The following SCMH1 variants were observed in gnomAD, a reference collection of about 807,000 sequenced individuals.
SCMH1 encodes the protein polycomb protein SCMH1.
In SCMH1, 37 loss-of-function variants were observed where a neutral mutation model predicts 70.8. That is an observed-to-expected ratio of 0.52 (90% CI 0.40 to 0.69). The LOEUF (loss-of-function observed/expected upper bound fraction) is 0.69, where lower values mean the gene tolerates loss of function less well. SCMH1 is among the 30% of genes least tolerant of loss of function. The pLI is 0.00. For missense variants in SCMH1, 607 were observed against 827.3 expected, an observed-to-expected ratio of 0.73 and a Z score of 3.27; for synonymous variants, 292 against 307.4, an observed-to-expected ratio of 0.95 and a Z score of 0.52.
chr1:41,156,057 T>G (rs1206213422), intron 4 of SCMH1, among the ~76,000 whole-genome samples: 2 of 150,676 alleles, frequency 1.3e-5, no homozygotes, highest in African/African-American at 4.9e-5. Context: ...CTTCCAGTCA[T>G]GGGACACTCA....
At chr1:41,037,795 G>T (rs1268564161) in intron 12 of SCMH1, among the ~76,000 whole-genome samples, 1 of 152,202 alleles carries the variant, frequency 6.6e-6, no homozygotes, top group African/African-American at 2.4e-5. Context: ...TTCTGGTCTA[G>T]ATGCCCTATG....
At chr1:41,229,362 T>C (rs1371454217) in intron 1 of SCMH1, among the ~76,000 whole-genome samples, 2 of 152,156 alleles carry the variant, frequency 1.3e-5, no homozygotes, top group African/African-American at 4.8e-5. Flanking sequence ...AATGATAGAC[T>C]AGATTAAGAA....
intron 1 of SCMH1, among the ~76,000 whole-genome samples, chr1:41,213,311 TATA>T (rs780117164): frequency 1.3e-5 from 2 of 152,226 alleles, no homozygotes; most frequent in Non-Finnish European, 2.9e-5. Context: ...AGCTTGTGGC[TATA>T]ATGTTTTTCA....
At chr1:41,078,453 A>G (rs899403665) in intron 8 of SCMH1, among the ~76,000 whole-genome samples, 2 of 152,182 alleles carry the variant, frequency 1.3e-5, no homozygotes, top group African/African-American at 4.8e-5. Flanking sequence ...ACCAAAACAC[A>G]TAATTGTCAA....
intron 6 of SCMH1, among the ~76,000 whole-genome samples, 164 bp downstream of exon 6, chr1:41,142,714 T>G (rs1000442218): frequency 6.6e-6 from 1 of 152,220 alleles, no homozygotes; most frequent in Non-Finnish European, 1.5e-5. Flanking sequence ...GATGGAGATG[T>G]CCAAATTGTG....
chr1:41,204,769 CTATT>C (rs1655116599), intron 1 of SCMH1, among the ~76,000 whole-genome samples: 1 of 152,178 alleles, frequency 6.6e-6, no homozygotes, highest in African/African-American at 2.4e-5. Flanking sequence ...TTTTCCATAT[CTATT>C]TATTTGTCTC....
chr1:41,237,669 C>G (rs545998603), intron 1 of SCMH1, among the ~76,000 whole-genome samples: 1 of 152,220 alleles, frequency 6.6e-6, no homozygotes, highest in Admixed American at 6.5e-5. Flanking sequence ...GATACCATAC[C>G]CTATGCTTTC....
At chr1:41,075,295 T>TGGG in exon 9 of SCMH1, 2 of 1,614,156 alleles carry the variant, frequency 1.2e-6, no homozygotes, top group Non-Finnish European at 1.7e-6. Flanking sequence ...AGAGATGGGA[T>TGGG]GGGAAATTAG....
rs375180611 is a variant in SCMH1, at chr1:41,232,009, G to A, written c.-118+10050C>T. Among the ~76,000 whole-genome samples the A allele has an allele frequency of 2.6e-4, 38 of 146,094 alleles. No homozygotes were observed. In the East Asian group the frequency reaches 7.0e-3, roughly 27 times the overall value. On this transcript the variant is annotated intron_variant, in intron 1 of 14. Transcript: ENST00000337495. The stretch of plus-strand genomic sequence containing the variant: ...ACCGCACACCAGCCAGGGTGACAGT[G>A]CAAGACTGTCTCAAAAAAAAAAAAA...
chr1:41,109,348 A>G (rs1186539413), intron 8 of SCMH1, among the ~76,000 whole-genome samples: 1 of 152,244 alleles, frequency 6.6e-6, no homozygotes, highest in African/African-American at 2.4e-5. Flanking sequence ...TGAATTTTTA[A>G]CATTTGCATA....
chr1:41,152,786 C>T, intron 4 of SCMH1: 1 of 1,522,822 alleles, frequency 6.6e-7, no homozygotes, highest in Non-Finnish European at 8.8e-7. Flanking sequence ...CTAAATCACT[C>T]CAAAGATGAT....
chr1:41,068,835 A>G lies in SCMH1; in HGVS notation c.1105+1760T>C, dbSNP rs532715796. 2.0e-5 allele frequency among the ~76,000 whole-genome samples: 3 copies of G among 152,358 alleles called. No individual in the cohort carries two copies. The South Asian group carries it at 6.2e-4, about 32-fold the overall frequency. On this transcript the variant is annotated intron_variant, in intron 10 of 14. Coordinates refer to ENST00000337495, the Ensembl canonical transcript of SCMH1. ...ATGAAGAGATTTCATACAAAACTAA[A>G]TATGTAAATCTAAGAATGATGTACA...
intron 8 of SCMH1, among the ~76,000 whole-genome samples, chr1:41,104,139 A>C (rs949215489): frequency 2.6e-5 from 4 of 152,180 alleles, no homozygotes; most frequent in African/African-American, 9.7e-5. Flanking sequence ...TACGTGCTAC[A>C]TGGTGCTATG....
At chr1:41,144,851 C>T (rs1644409008) in intron 5 of SCMH1, among the ~76,000 whole-genome samples, 1 of 152,146 alleles carries the variant, frequency 6.6e-6, no homozygotes, top group African/African-American at 2.4e-5. Flanking sequence ...CTAATGACTA[C>T]TGAGTATCTT....
chr1:41,028,860 G>C lies in SCMH1; in HGVS notation c.1679-134C>G, dbSNP rs148424741. 6.4e-3 allele frequency: 5,977 copies of C among 932,830 alleles called. 44 individuals are homozygous for C. Among genetic ancestry groups the C allele is most frequent in the Non-Finnish European group, 6.8e-3 (4,276 of 633,292 alleles). 57.8% of individuals were successfully genotyped at this position (932,830 alleles called of 1,614,324 possible). A position where few individuals can be genotyped will look rare whatever the true frequency, so the allele number is the denominator to read the frequency against. On this transcript the variant is annotated intron_variant, in intron 13 of 14. Coordinates refer to ENST00000337495, the Ensembl canonical transcript of SCMH1. ...CCAGACGATGAGCTGAGGAACTGGA[G>C]ATAGCTGGGGGAGGGAAGCATTTCT...
At chr1:41,117,567 T>A (rs1670822529) in intron 6 of SCMH1, among the ~76,000 whole-genome samples, 2 of 150,946 alleles carry the variant, frequency 1.3e-5, no homozygotes, top group African/African-American at 4.9e-5. Context: ...CTGACGTCAG[T>A]CAGGCCCGCC....
intron 6 of SCMH1, among the ~76,000 whole-genome samples, chr1:41,120,900 G>A (rs1314168332): frequency 6.6e-6 from 1 of 152,092 alleles, no homozygotes; most frequent in Non-Finnish European, 1.5e-5. Context: ...ATTACACTAT[G>A]TTGCCTCCAA....
At chr1:41,054,905 T>G (rs1188756120) in intron 10 of SCMH1, among the ~76,000 whole-genome samples, 2 of 152,128 alleles carry the variant, frequency 1.3e-5, no homozygotes, top group African/African-American at 2.4e-5. Context: ...CACCTCAGCC[T>G]CCTGAGTAGC....
rs1645467510 is a variant in SCMH1 at position 41,037,503 on chromosome 1, AG to A, written c.1536del (p.Leu513TrpfsTer61). 1.2e-6 allele frequency: 2 copies of A among 1,614,230 alleles called. No homozygotes were observed. Among genetic ancestry groups the A allele is most frequent in the Non-Finnish European group, 1.7e-6 (2 of 1,180,030 alleles). ...TCCATTGAGTCTGAGTGTGGTTCCA[AG>A]GAGCGGGCCAGACTATTCCCCAGGA... On this transcript the variant is annotated frameshift_variant, in exon 13 of 15. Coordinates refer to ENST00000337495, the Ensembl canonical transcript of SCMH1. LOFTEE classifies it high-confidence loss of function.
Sources: allele counts gnomAD v4.1 joint callset (sites outside exome capture counted in the v4.1 genomes callset), GRCh38; gene constraint gnomAD v4.1.1; transcripts MANE v1.5; gene names NCBI Gene and HGNC (gene_info 2026-07-23, HGNC 2026-07-21).